The following RANBP2 variants were observed in gnomAD, a reference collection of about 807,000 sequenced individuals.
RANBP2 encodes the protein RAN binding protein 2, also known as E3 SUMO-protein ligase RanBP2.
A neutral mutation model predicts 303.6 loss-of-function variants in RANBP2; 57 were observed. The observed-to-expected ratio is 0.19, with a 90% CI of 0.15 to 0.23. The LOEUF (loss-of-function observed/expected upper bound fraction) is 0.23. Among genes scored for constraint, RANBP2 ranks in the 10% least tolerant of loss-of-function variants. The pLI is 1.00. For missense variants in RANBP2, 3,138 were observed against 3,780.8 expected (o/e 0.83, Z 4.46); for synonymous variants, 1,167 against 1,301.5 (o/e 0.90, Z 2.23).
the RANBP2 span, chr2:109,616,082 A>G: frequency 8.0e-6 from 12 of 1,493,238 alleles, no homozygotes; most frequent in African/African-American, 1.4e-5. Flanking sequence ...TGCTTCTTTT[A>G]GAAAATGCAA....
the RANBP2 span, among the ~76,000 whole-genome samples, chr2:109,551,328 AAAT>A: frequency 6.6e-6 from 1 of 152,272 alleles, no homozygotes; most frequent in Non-Finnish European, 1.5e-5. Context: ...ATATAGAATT[AAAT>A]AATGTTTTGA....
At chr2:109,740,427 A>G in the RANBP2 span, among the ~76,000 whole-genome samples, 1 of 152,224 alleles carries the variant, frequency 6.6e-6, no homozygotes, top group Admixed American at 6.5e-5. Context: ...CAGCAGGCAT[A>G]AAATCATAGG....
At chr2:109,296,102 T>G in the RANBP2 span, among the ~76,000 whole-genome samples, 1 of 152,130 alleles carries the variant, frequency 6.6e-6, no homozygotes, top group Admixed American at 6.5e-5. Flanking sequence ...AGAAGGCTGC[T>G]GGGTCCATTC....
Position 108,753,003 on chromosome 2 carries a change from C to T in RANBP2, c.1761C>T (p.Ser587=), listed in dbSNP as rs199659469. ...CTTTTAACTTTCTTTTTTAGGGCAGCGGTCTTAATTCTTTTTATGATCAAC... is the reference window on the plus strand; with the variant it reads ...CTTTTAACTTTCTTTTTTAGGGCAGTGGTCTTAATTCTTTTTATGATCAAC... ...HWAECLQKTG[S]GLNSFYDQRE... The change falls in exon 13 of 29, where the codon AGC becomes AGT. Residue 587 remains serine (S), a synonymous_variant. Transcript: ENST00000283195. 4.4e-5 allele frequency: 70 copies of T among 1,607,940 alleles called. No individual in the cohort carries two copies. The highest frequency in any genetic ancestry group is 3.4e-4 in the East Asian group (15 of 44,724).
the RANBP2 span, among the ~76,000 whole-genome samples, chr2:108,939,107 C>T: frequency 2.6e-5 from 4 of 152,200 alleles, no homozygotes; most frequent in East Asian, 7.8e-4. Context: ...AGCATAGTAA[C>T]ATGAAGTTTT....
the RANBP2 span, among the ~76,000 whole-genome samples, chr2:109,333,765 A>T: frequency 1.3e-5 from 2 of 152,222 alleles, no homozygotes; most frequent in Non-Finnish European, 2.9e-5. Flanking sequence ...GACCTTGAAC[A>T]TGTTAATTAA....
At chr2:108,741,258 G>C (rs1320779344) in intron 7 of RANBP2, among the ~76,000 whole-genome samples, 1 of 150,750 alleles carries the variant, frequency 6.6e-6, no homozygotes, top group Non-Finnish European at 1.5e-5. Flanking sequence ...GTGCAGTGGC[G>C]TGATCTCGGC....
chr2:108,941,740 G>A, the RANBP2 span, among the ~76,000 whole-genome samples: 1 of 152,284 alleles, frequency 6.6e-6, no homozygotes, highest in Non-Finnish European at 1.5e-5. Flanking sequence ...TCTCTCCTAG[G>A]ATGTGTATTA....
chr2:109,142,354 A>G, the RANBP2 span, among the ~76,000 whole-genome samples: 1 of 152,162 alleles, frequency 6.6e-6, no homozygotes, highest in African/African-American at 2.4e-5. Flanking sequence ...CTACTCTAAA[A>G]TGTGCCTCCT....
At chr2:109,490,850 G>A in the RANBP2 span, 1 of 1,536,406 alleles carries the variant, frequency 6.5e-7, no homozygotes, top group Non-Finnish European at 8.7e-7. Context: ...CAGGCTCCTT[G>A]GATCTAAACT....
At chr2:108,795,174 C>T in the RANBP2 span, among the ~76,000 whole-genome samples, 4,981 of 16,942 alleles carry the variant, frequency 0.29, 385 homozygotes, top group African/African-American at 0.42. Context: ...TTTTTTTTTG[C>T]GATGGAATCT....
chr2:109,639,884 T>A, the RANBP2 span, among the ~76,000 whole-genome samples: 2 of 151,498 alleles, frequency 1.3e-5, no homozygotes, highest in South Asian at 4.2e-4. Flanking sequence ...TTAATTTTTG[T>A]AATTTTAGTA....
At chr2:109,571,572 A>G in the RANBP2 span, among the ~76,000 whole-genome samples, 1 of 152,232 alleles carries the variant, frequency 6.6e-6, no homozygotes, top group Non-Finnish European at 1.5e-5. Flanking sequence ...GAAACATATA[A>G]TACAGTACAG....
At chr2:109,189,614 T>C in the RANBP2 span, among the ~76,000 whole-genome samples, 2 of 152,100 alleles carry the variant, frequency 1.3e-5, no homozygotes, top group South Asian at 2.1e-4. Context: ...TGATCTTCCC[T>C]CCTTGGCCTC....
the RANBP2 span, among the ~76,000 whole-genome samples, chr2:109,487,267 G>C: frequency 3.9e-5 from 6 of 152,150 alleles, no homozygotes; most frequent in Non-Finnish European, 8.8e-5. Flanking sequence ...CCCCAAATCA[G>C]TCTATGAGCC....
chr2:109,223,419 G>T, the RANBP2 span, among the ~76,000 whole-genome samples: 1 of 152,208 alleles, frequency 6.6e-6, no homozygotes, highest in African/African-American at 2.4e-5. Context: ...TGGAGTTGCC[G>T]AAGTGCTTTG....
At chr2:108,982,957 A>G in the RANBP2 span, among the ~76,000 whole-genome samples, 3 of 152,220 alleles carry the variant, frequency 2.0e-5, no homozygotes, top group Non-Finnish European at 4.4e-5. Context: ...CTCTCTAAGA[A>G]TGAGCTAAAA....
At chr2:109,143,087 G>A in the RANBP2 span, among the ~76,000 whole-genome samples, 1 of 152,228 alleles carries the variant, frequency 6.6e-6, no homozygotes, top group East Asian at 1.9e-4. Context: ...CCCAGTGTGG[G>A]GGGCCTGCCA....
the RANBP2 span, among the ~76,000 whole-genome samples, chr2:109,183,075 T>A: frequency 6.6e-6 from 1 of 152,222 alleles, no homozygotes; most frequent in Non-Finnish European, 1.5e-5. Context: ...AATGACTAAT[T>A]TATTCAGCAC....
Sources: gnomAD v4.1 joint callset for allele counts (sites outside exome capture counted in the v4.1 genomes callset) on GRCh38, gnomAD v4.1.1 for gene constraint, MANE v1.5 for transcripts, NCBI Gene and HGNC (gene_info 2026-07-23, HGNC 2026-07-21) for gene names.